GRM5: variants seen among roughly 807,000 people sequenced by gnomAD.
GRM5 encodes metabotropic glutamate receptor 5.
GRM5 carries 19 observed loss-of-function variants against 83.1 expected under a neutral mutation model. The ratio of observed to expected loss-of-function variants is 0.23; its 90% confidence interval spans 0.16 to 0.34. The LOEUF (loss-of-function observed/expected upper bound fraction) is 0.34, where lower values mean the gene tolerates loss of function less well. Ranked by LOEUF, GRM5 falls within the 10% of genes least tolerant of loss-of-function variation. The pLI, the probability that GRM5 is intolerant of heterozygous loss-of-function variation, is 1.00. For synonymous variants in GRM5, 675 were observed against 633.6 expected (o/e 1.07, Z -0.98); for missense variants, 1,160 against 1,588.3 (o/e 0.73, Z 4.58).
At chr11:88,683,880 T>C (rs188873190) in intron 3 of GRM5, among the ~76,000 whole-genome samples, 135 of 152,260 alleles carry the variant, frequency 8.9e-4, no homozygotes, top group African/African-American at 3.1e-3. Flanking sequence ...TACTCATAGA[T>C]AGATAATATA....
chr11:89,028,578 G>C (rs565196666), intron 2 of GRM5, among the ~76,000 whole-genome samples: 1 of 152,240 alleles, frequency 6.6e-6, no homozygotes, highest in South Asian at 2.1e-4. Context: ...CTGAGTGACA[G>C]AATAAGACCT....
chr11:88,847,712 A>T (rs1348452944), intron 3 of GRM5, among the ~76,000 whole-genome samples: 2 of 152,228 alleles, frequency 1.3e-5, no homozygotes, highest in African/African-American at 2.4e-5. Context: ...GTAAATGTCA[A>T]ATTACTAAAT....
chr11:88,985,422 G>C (rs770130377), intron 2 of GRM5, among the ~76,000 whole-genome samples: 2 of 152,020 alleles, frequency 1.3e-5, no homozygotes, highest in Non-Finnish European at 2.9e-5. Context: ...AAGCAATCAA[G>C]ATAACTAAAG....
intron 2 of GRM5, among the ~76,000 whole-genome samples, chr11:88,931,120 C>T (rs1937692184): frequency 6.6e-6 from 1 of 151,768 alleles, no homozygotes; most frequent in Non-Finnish European, 1.5e-5. Context: ...AAATACATGA[C>T]TATTTTCAAA....
chr11:88,683,173 G>A (rs1940536627), intron 3 of GRM5, among the ~76,000 whole-genome samples: 1 of 152,092 alleles, frequency 6.6e-6, no homozygotes, highest in Non-Finnish European at 1.5e-5. Context: ...GCCACCACAG[G>A]CAGGTCTCAG....
intron 3 of GRM5, among the ~76,000 whole-genome samples, chr11:88,799,013 A>C (rs1943339660): frequency 6.6e-6 from 1 of 152,016 alleles, no homozygotes; most frequent in Admixed American, 6.6e-5. Flanking sequence ...ATCTCTGTTT[A>C]GTATCCAAAG....
chr11:88,555,085 T>C (rs536034617), intron 8 of GRM5, among the ~76,000 whole-genome samples: 32 of 152,270 alleles, frequency 2.1e-4, no homozygotes, highest in African/African-American at 7.2e-4. Context: ...ACCATTTGTG[T>C]CCCTTACCAG....
At chr11:88,994,610 G>GAAA (rs58691405) in intron 2 of GRM5, among the ~76,000 whole-genome samples, 140 of 89,872 alleles carry the variant, frequency 1.6e-3, no homozygotes, top group African/African-American at 4.5e-3. Context: ...AAGCATTACA[G>GAAA]AAAAAAAAAA....
intron 3 of GRM5, among the ~76,000 whole-genome samples, chr11:88,754,337 T>A (rs975795242): frequency 8.5e-5 from 13 of 152,060 alleles, no homozygotes; most frequent in African/African-American, 3.1e-4. Context: ...GCTTATTACC[T>A]AGGTGATGGG....
chr11:88,534,958 TG>T (rs1165118390), intron 8 of GRM5, among the ~76,000 whole-genome samples: 3 of 152,200 alleles, frequency 2.0e-5, no homozygotes, highest in African/African-American at 4.8e-5. Flanking sequence ...TCTCTTTGCC[TG>T]CTGCCATCCT....
chr11:88,999,989 C>T (rs1940316261), intron 2 of GRM5, among the ~76,000 whole-genome samples: 1 of 151,660 alleles, frequency 6.6e-6, no homozygotes, highest in Non-Finnish European at 1.5e-5. Flanking sequence ...ATCGCAAGGA[C>T]AAAAAACCAA....
At chr11:88,577,223 T>C (rs760049382) in intron 7 of GRM5, among the ~76,000 whole-genome samples, 3 of 152,126 alleles carry the variant, frequency 2.0e-5, no homozygotes, top group Non-Finnish European at 4.4e-5. Context: ...ACCTCCTTTT[T>C]CTCTTTCCAA....
chr11:88,621,049 A>G (rs933651542), intron 4 of GRM5, among the ~76,000 whole-genome samples: 1 of 152,202 alleles, frequency 6.6e-6, no homozygotes, highest in Non-Finnish European at 1.5e-5. Flanking sequence ...TATTTTAGAT[A>G]CCATATCTCT....
chr11:88,660,695 AACTGGT>A (rs1405316916), intron 3 of GRM5, among the ~76,000 whole-genome samples: 2 of 152,148 alleles, frequency 1.3e-5, no homozygotes, highest in Admixed American at 6.6e-5. Context: ...ATCATGATGA[AACTGGT>A]ACTGCTGAGA....
At chr11:88,571,821 A>G (rs919059397) in intron 7 of GRM5, among the ~76,000 whole-genome samples, 1 of 152,088 alleles carries the variant, frequency 6.6e-6, no homozygotes, top group Non-Finnish European at 1.5e-5. Flanking sequence ...GTGTGGGGAG[A>G]TAGATTGAAA....
chr11:88,822,152 G>T (rs1438141317), intron 3 of GRM5, among the ~76,000 whole-genome samples: 1 of 152,124 alleles, frequency 6.6e-6, no homozygotes, highest in African/African-American at 2.4e-5. Context: ...CAATGGTAAA[G>T]AAATAGATAT....
intron 3 of GRM5, among the ~76,000 whole-genome samples, chr11:88,849,143 G>GTA (rs148621029): frequency 8.5e-4 from 128 of 150,162 alleles, no homozygotes; most frequent in Admixed American, 1.3e-3. Flanking sequence ...TATCATATGT[G>GTA]TATATATATA....
At chr11:88,767,261 G>A (rs142687001) in intron 3 of GRM5, among the ~76,000 whole-genome samples, 6 of 152,014 alleles carry the variant, frequency 3.9e-5, no homozygotes, top group Non-Finnish European at 5.9e-5. Flanking sequence ...TGTGAAAAGC[G>A]GTGTGTCAAT....
chr11:88,582,349 T>A (rs1194455024), intron 7 of GRM5, among the ~76,000 whole-genome samples: 1 of 152,218 alleles, frequency 6.6e-6, no homozygotes, highest in African/African-American at 2.4e-5. Flanking sequence ...ATTATATGTA[T>A]AATTTAATGC....
Sources: gnomAD v4.1 joint callset for allele counts (sites outside exome capture counted in the v4.1 genomes callset) on GRCh38, gnomAD v4.1.1 for gene constraint, MANE v1.5 for transcripts, NCBI Gene and HGNC (gene_info 2026-07-23, HGNC 2026-07-21) for gene names.